UBE3C: variants seen among roughly 807,000 people sequenced by gnomAD.
UBE3C encodes ubiquitin protein ligase E3C, also known as ubiquitin-protein ligase E3C.
UBE3C carries 42 observed loss-of-function variants against 129.4 expected under a neutral mutation model. The observed-to-expected ratio is 0.32, with a 90% CI of 0.25 to 0.42. UBE3C has a LOEUF of 0.42. Ranked by LOEUF, UBE3C falls within the 10% of genes least tolerant of loss-of-function variation. The pLI is 1.00. For synonymous variants in UBE3C, 510 were observed against 492.4 expected, an observed-to-expected ratio of 1.04 and a Z score of -0.47; for missense variants, 1,049 against 1,319.1, an observed-to-expected ratio of 0.80 and a Z score of 3.17.
chr7:157,246,930 G>A lies in UBE3C; in HGVS notation c.2482-1438G>A, dbSNP rs571335080. Among the ~76,000 whole-genome samples, 16 of 152,268 alleles carry A rather than the reference G, an allele frequency of 1.1e-4. No individual in the cohort carries two copies. In the South Asian group the frequency reaches 2.9e-3, roughly 28 times the overall value. On this transcript the variant is annotated intron_variant, in intron 18 of 22. Transcript: ENST00000348165. The stretch of plus-strand genomic sequence containing the variant: ...TTGAGACGGAGTTTTTGCTCTTGTT[G>A]CCCAGACTGGAGTGCAGTGGCACAA...
At chr7:157,172,542 C>T (rs1470285381) in intron 4 of UBE3C, among the ~76,000 whole-genome samples, 2 of 152,018 alleles carry the variant, frequency 1.3e-5, no homozygotes, top group East Asian at 3.9e-4. Context: ...GCATTGCCTC[C>T]AGAGTTGAGC....
intron 11 of UBE3C, among the ~76,000 whole-genome samples, chr7:157,203,216 G>A (rs1809339333): frequency 6.6e-6 from 1 of 152,118 alleles, no homozygotes; most frequent in Non-Finnish European, 1.5e-5. Flanking sequence ...TGAATCTTAA[G>A]TGAGGAAAGG....
rs773055998 is a variant in UBE3C, at chr7:157,186,926, G to A, written c.1236G>A (p.Val412=). 2.5e-6 allele frequency: 4 copies of A among 1,614,166 alleles called. No individual in the cohort carries two copies. In the East Asian group the frequency reaches 6.7e-5, roughly 27 times the overall value. ...AGACCAACACCCTGCTCAACCTGGT[G>A]TGGAGGGACTCTGCGAGCGAGGAGG... ...KQQTNTLLNL[V]WRDSASEEVF... Residue 412 remains valine (V), a synonymous_variant, in exon 10 of 23, where the codon GTG becomes GTA. Transcript: ENST00000348165.
chr7:157,255,574 A>G (rs1461866362), intron 21 of UBE3C, among the ~76,000 whole-genome samples: 1 of 152,214 alleles, frequency 6.6e-6, no homozygotes, highest in Non-Finnish European at 1.5e-5. Context: ...TCCTTTGCCA[A>G]GAGATTGTCT....
intron 13 of UBE3C, among the ~76,000 whole-genome samples, chr7:157,211,167 G>GGA (rs3039783): frequency 0.03 from 4,112 of 137,086 alleles, 120 homozygotes; most frequent in African/African-American, 0.062. Flanking sequence ...CCATATGTCT[G>GGA]GAGAGAGAGA....
At chr7:157,204,579 A>G (rs1391332755) in intron 11 of UBE3C, among the ~76,000 whole-genome samples, 2 of 151,988 alleles carry the variant, frequency 1.3e-5, no homozygotes, top group Admixed American at 1.3e-4. Flanking sequence ...CAATCTCCAG[A>G]TGGATAGTGA....
At chr7:157,192,389 C>A (rs1808992530) in intron 10 of UBE3C, 3 of 689,066 alleles carry the variant, frequency 4.4e-6, no homozygotes. Context: ...CATAAAAACC[C>A]TTACGGGGAA....
At chr7:157,176,703 G>A (rs1429235120) in intron 5 of UBE3C, among the ~76,000 whole-genome samples, 1 of 152,170 alleles carries the variant, frequency 6.6e-6, no homozygotes, top group Non-Finnish European at 1.5e-5. Flanking sequence ...CTTATAGGTA[G>A]AGAGCACCCT....
At chr7:157,242,611 G>T (rs1325493293) in intron 18 of UBE3C, among the ~76,000 whole-genome samples, 1 of 150,486 alleles carries the variant, frequency 6.6e-6, no homozygotes, top group African/African-American at 2.4e-5. Flanking sequence ...TCTTGTCAGT[G>T]GAAGTGGGAA....
chr7:157,174,577 C>T (rs563144196), intron 4 of UBE3C, among the ~76,000 whole-genome samples: 39 of 152,168 alleles, frequency 2.6e-4, no homozygotes, highest in African/African-American at 8.9e-4. Context: ...CTCAGCCTCT[C>T]GAATAGCTGG....
At chr7:157,265,045 GT>G (rs1342280133) in intron 22 of UBE3C, among the ~76,000 whole-genome samples, 2 of 152,058 alleles carry the variant, frequency 1.3e-5, no homozygotes, top group African/African-American at 4.8e-5. Context: ...TTTTTTAGTT[GT>G]TTACAGCTCT....
chr7:157,185,903 AT>A (rs958737748), intron 9 of UBE3C, among the ~76,000 whole-genome samples: 2 of 152,150 alleles, frequency 1.3e-5, no homozygotes, highest in African/African-American at 4.8e-5. Flanking sequence ...TATAAATTGT[AT>A]TCATCCAAGT....
At chr7:157,167,928 C>G (rs1808262269) in intron 2 of UBE3C, among the ~76,000 whole-genome samples, 2 of 152,138 alleles carry the variant, frequency 1.3e-5, no homozygotes. Flanking sequence ...ATATTTTTGC[C>G]AGGTCGCTGA....
chr7:157,171,559 G>T (rs1396407067), intron 4 of UBE3C, among the ~76,000 whole-genome samples: 1 of 149,246 alleles, frequency 6.7e-6, no homozygotes, highest in African/African-American at 2.5e-5. Context: ...ATGCATAGAA[G>T]AATAATTTTT....
At chr7:157,182,420 G>T in intron 8 of UBE3C, 92 bp downstream of exon 8, 1 of 1,306,892 alleles carries the variant, frequency 7.7e-7, no homozygotes, top group Non-Finnish European at 1.1e-6. Flanking sequence ...CAGGTGTTAT[G>T]GAAAGGTGGG....
intron 18 of UBE3C, among the ~76,000 whole-genome samples, chr7:157,242,830 G>A (rs955805780): frequency 1.3e-5 from 2 of 152,232 alleles, no homozygotes; most frequent in Non-Finnish European, 2.9e-5. Flanking sequence ...GCCAAGGCGG[G>A]AGAATCACGA....
At chr7:157,189,990 G>C (rs934770373) in intron 10 of UBE3C, among the ~76,000 whole-genome samples, 2 of 152,120 alleles carry the variant, frequency 1.3e-5, no homozygotes, top group East Asian at 3.9e-4. Context: ...TAGTAGAGAT[G>C]GGGTTTCACC....
intron 1 of UBE3C, among the ~76,000 whole-genome samples, chr7:157,143,626 C>CT (rs780095399): frequency 7.2e-5 from 11 of 152,124 alleles, no homozygotes; most frequent in Non-Finnish European, 1.2e-4. Flanking sequence ...GTCATGTTTC[C>CT]ACCTGATAAC....
chr7:157,169,201 T>A, intron 3 of UBE3C, 79 bp downstream of exon 3: 1 of 1,087,204 alleles, frequency 9.2e-7, no homozygotes, highest in South Asian at 1.4e-5. Context: ...TACACCTTGT[T>A]AATTGAAGTC....
Sources: gnomAD v4.1 joint callset for allele counts (sites outside exome capture counted in the v4.1 genomes callset) on GRCh38, gnomAD v4.1.1 for gene constraint, MANE v1.5 for transcripts, NCBI Gene and HGNC (gene_info 2026-07-23, HGNC 2026-07-21) for gene names.